Variants in LRCH1 observed in about 807,000 individuals in gnomAD.
LRCH1 encodes leucine rich repeats and calponin homology domain containing 1, also known as leucine-rich repeat and calponin homology domain-containing protein 1.
LRCH1 carries 23 observed loss-of-function variants against 94.9 expected under a neutral mutation model. The ratio of observed to expected loss-of-function variants is 0.24; its 90% CI spans 0.17 to 0.34. The LOEUF is 0.34. LRCH1 is among the 10% of genes least tolerant of loss of function. The pLI is 1.00. For synonymous variants in LRCH1, 364 were observed against 354.9 expected (o/e 1.03, Z -0.29); for missense variants, 790 against 945.9 (o/e 0.84, Z 2.16).
chr13:46,614,172 C>A (rs1001499002), intron 1 of LRCH1, among the ~76,000 whole-genome samples: 5 of 152,030 alleles, frequency 3.3e-5, no homozygotes, highest in Non-Finnish European at 7.4e-5. Context: ...ATATATAATG[C>A]AATATTATTA....
At chr13:46,553,798 T>A in intron 1 of LRCH1, 95 bp downstream of exon 1, 1 of 1,548,386 alleles carries the variant, frequency 6.5e-7, no homozygotes, top group Non-Finnish European at 8.7e-7. Context: ...GATCTTGTCT[T>A]GCTGGGGGAG....
rs188343665 is a variant in LRCH1 at position 46,654,507 on chromosome 13, C to T, written c.452+4162C>T. On this transcript the variant is annotated intron_variant, in intron 2 of 19. Coordinates refer to ENST00000389797, the MANE Select transcript of LRCH1 (RefSeq NM_001164211.2). ...ACAGAGACTTAGGATGCTGCAAACACACCACTTTGTAGAAGAGCTAATCTA... is the reference window on the plus strand; with the variant it reads ...ACAGAGACTTAGGATGCTGCAAACATACCACTTTGTAGAAGAGCTAATCTA... 4.2e-3 allele frequency among the ~76,000 whole-genome samples: 633 copies of T among 152,286 alleles called. 2 individuals carry two copies. The highest frequency in any genetic ancestry group is 7.0e-3 in the Non-Finnish European group (474 of 68,018).
At chr13:46,590,634 C>G (rs2050488868) in intron 1 of LRCH1, among the ~76,000 whole-genome samples, 2 of 152,100 alleles carry the variant, frequency 1.3e-5, no homozygotes, top group Non-Finnish European at 2.9e-5. Flanking sequence ...CACTACACTG[C>G]AGCCTGGATA....
intron 1 of LRCH1, among the ~76,000 whole-genome samples, chr13:46,616,136 A>C (rs1285245370): frequency 2.0e-5 from 3 of 152,222 alleles, no homozygotes; most frequent in African/African-American, 7.2e-5. Flanking sequence ...AGCGGGTTTA[A>C]GTTTCGCAGA....
intron 1 of LRCH1, among the ~76,000 whole-genome samples, chr13:46,593,410 A>G (rs546161221): frequency 1.1e-4 from 16 of 151,562 alleles, no homozygotes; most frequent in Admixed American, 7.2e-4. Flanking sequence ...CCCAATACCT[A>G]GTAGCTGATT....
chr13:46,616,641 T>G (rs2138014047), intron 1 of LRCH1, among the ~76,000 whole-genome samples: 1 of 152,372 alleles, frequency 6.6e-6, no homozygotes, highest in South Asian at 2.1e-4. Flanking sequence ...ATCTCTTATT[T>G]CTGCATGAAG....
intron 1 of LRCH1, among the ~76,000 whole-genome samples, chr13:46,644,390 A>G (rs1430077977): frequency 6.6e-6 from 1 of 152,228 alleles, no homozygotes; most frequent in African/African-American, 2.4e-5. Context: ...TTCAAAATTT[A>G]AACTCCTTGA....
In LRCH1 at chr13:46,728,972, ATC is replaced by A; in HGVS notation, c.1996_1997del (p.Ser666ThrfsTer7). 1.2e-6 allele frequency: 2 copies of A among 1,612,652 alleles called. No individual in the cohort carries two copies. Among genetic ancestry groups the A allele is most frequent in the Non-Finnish European group, 1.7e-6 (2 of 1,179,240 alleles). On this transcript the variant is annotated frameshift_variant, in exon 18 of 20. Coordinates refer to ENST00000389797, the MANE Select transcript of LRCH1 (RefSeq NM_001164211.2). LOFTEE classifies it high-confidence loss of function. ...PRSVASIHVP[S>X]PAVPKLSMAK... Reference sequence around the variant, plus strand: ...GGTCGGTTGCAAGCATCCATGTCCCATCACCAGCGGTTGTAAGTAACACCAAA... The same window carrying A: ...GGTCGGTTGCAAGCATCCATGTCCCAACCAGCGGTTGTAAGTAACACCAAA...
intron 1 of LRCH1, among the ~76,000 whole-genome samples, chr13:46,620,795 C>A (rs375550363): frequency 6.6e-6 from 1 of 152,172 alleles, no homozygotes; most frequent in Non-Finnish European, 1.5e-5. Flanking sequence ...CATAGCTTTT[C>A]GCATTTTACA....
intron 9 of LRCH1, among the ~76,000 whole-genome samples, chr13:46,696,670 A>C (rs943197849): frequency 1.2e-4 from 18 of 152,214 alleles, no homozygotes; most frequent in Non-Finnish European, 2.4e-4. Context: ...GGAAAATCAA[A>C]AGAAAAATGT....
At chr13:46,728,384 T>C (rs932200248) in intron 17 of LRCH1, among the ~76,000 whole-genome samples, 1 of 151,932 alleles carries the variant, frequency 6.6e-6, no homozygotes, top group Non-Finnish European at 1.5e-5. Context: ...CCTGGGAAAT[T>C]TTTGTATTTT....
At chr13:46,604,031 C>T (rs984164256) in intron 1 of LRCH1, among the ~76,000 whole-genome samples, 1 of 152,082 alleles carries the variant, frequency 6.6e-6, no homozygotes, top group Non-Finnish European at 1.5e-5. Flanking sequence ...AATTTTTCTC[C>T]TTGTATTATA....
intron 17 of LRCH1, among the ~76,000 whole-genome samples, chr13:46,726,753 C>T (rs1438503095): frequency 6.6e-6 from 1 of 151,870 alleles, no homozygotes. Flanking sequence ...GAGGCACCTA[C>T]CCCTCCCCCA....
chr13:46,710,578 A>G (rs1459974801), intron 13 of LRCH1, among the ~76,000 whole-genome samples: 1 of 152,218 alleles, frequency 6.6e-6, no homozygotes, highest in Non-Finnish European at 1.5e-5. Flanking sequence ...AGAATTGCTT[A>G]TAGAAAGAAT....
Position 46,607,562 on chromosome 13 carries a change from C to T in LRCH1, c.308-42639C>T, listed in dbSNP as rs375670908. ...TAGAGTCAGTGAGGACCTTCTTGCC[C>T]TCATGATTCATTGTTCTTCTCCTTC... On this transcript the variant is annotated intron_variant, in intron 1 of 19. Transcript: ENST00000389797. Among the ~76,000 whole-genome samples the T allele has an allele frequency of 1.1e-4, 17 of 152,112 alleles. No individual in the cohort carries two copies. In the South Asian group the frequency reaches 3.3e-3, roughly 30 times the overall value.
chr13:46,610,044 G>A (rs908014048), intron 1 of LRCH1, among the ~76,000 whole-genome samples: 1 of 152,200 alleles, frequency 6.6e-6, no homozygotes, highest in African/African-American at 2.4e-5. Context: ...GTCATGGCCG[G>A]CAGTTGGGCC....
chr13:46,635,194 C>T (rs928443541), intron 1 of LRCH1, among the ~76,000 whole-genome samples: 12 of 152,308 alleles, frequency 7.9e-5, no homozygotes, highest in African/African-American at 2.9e-4. Context: ...TACTGCCACC[C>T]AGCACTCACA....
At chr13:46,687,001 C>T (rs1369902824) in intron 5 of LRCH1, among the ~76,000 whole-genome samples, 1 of 146,510 alleles carries the variant, frequency 6.8e-6, no homozygotes, top group African/African-American at 2.6e-5. Context: ...CTCTGTCGCC[C>T]AGGCTGGAGT....
At chr13:46,713,926 C>A (rs1261231387) in intron 15 of LRCH1, among the ~76,000 whole-genome samples, 2 of 152,154 alleles carry the variant, frequency 1.3e-5, no homozygotes, top group Non-Finnish European at 2.9e-5. Flanking sequence ...AGTTTAAAAG[C>A]ATGGCATAAT....
Sources: gnomAD v4.1 joint callset for allele counts (sites outside exome capture counted in the v4.1 genomes callset) on GRCh38, gnomAD v4.1.1 for gene constraint, MANE v1.5 for transcripts, NCBI Gene and HGNC (gene_info 2026-07-23, HGNC 2026-07-21) for gene names.